Variants in FMN1 observed in about 807,000 individuals in gnomAD.
The protein encoded by FMN1 is formin-1.
In FMN1, 110 loss-of-function variants were observed where a neutral mutation model predicts 132.4. That is an observed-to-expected ratio of 0.83 (90% CI 0.71 to 0.97). The LOEUF (loss-of-function observed/expected upper bound fraction) is 0.97, where lower values mean the gene tolerates loss of function less well. FMN1 is among the 50% of genes least tolerant of loss of function. The pLI is 0.00. For missense variants in FMN1, 1,792 were observed against 1,705.3 expected (o/e 1.05, Z -0.90); for synonymous variants, 722 against 651.7 (o/e 1.11, Z -1.64).
chr15:33,098,786 G>C (rs1054080490), intron 4 of FMN1, among the ~76,000 whole-genome samples: 2 of 152,066 alleles, frequency 1.3e-5, no homozygotes, highest in African/African-American at 2.4e-5. Flanking sequence ...CTCTTACTAC[G>C]TGGCCCTTTT....
chr15:33,024,401 C>G (rs1456047776), intron 6 of FMN1, among the ~76,000 whole-genome samples: 1 of 152,000 alleles, frequency 6.6e-6, no homozygotes, highest in Non-Finnish European at 1.5e-5. Context: ...CGTCCGCCAC[C>G]ACGCCTGGCT....
chr15:33,119,198 C>G (rs1311900111), intron 4 of FMN1, among the ~76,000 whole-genome samples: 1 of 152,146 alleles, frequency 6.6e-6, no homozygotes, highest in East Asian at 1.9e-4. Context: ...AATGAACACC[C>G]TTCTCTCTCC....
intron 17 of FMN1, among the ~76,000 whole-genome samples, chr15:32,820,728 G>A (rs530370747): frequency 2.0e-4 from 31 of 152,286 alleles, no homozygotes; most frequent in African/African-American, 4.6e-4. Flanking sequence ...TTAATACTAC[G>A]AAGGGCTGAT....
intron 4 of FMN1, among the ~76,000 whole-genome samples, chr15:33,101,852 T>C (rs2039305613): frequency 6.6e-6 from 1 of 152,146 alleles, no homozygotes; most frequent in Non-Finnish European, 1.5e-5. Flanking sequence ...CATATTCTTC[T>C]GAATCCCCAT....
intron 4 of FMN1, among the ~76,000 whole-genome samples, chr15:33,113,665 A>G (rs1425099162): frequency 3.9e-5 from 6 of 152,046 alleles, no homozygotes; most frequent in African/African-American, 1.4e-4. Flanking sequence ...TAGTACCACC[A>G]CCCACCTTCT....
intron 4 of FMN1, chr15:33,150,509 A>T: frequency 4.1e-6 from 4 of 985,452 alleles, no homozygotes; most frequent in Non-Finnish European, 4.8e-6. Flanking sequence ...GAAGTTAAGA[A>T]ATTACAAACC....
chr15:33,005,662 C>T (rs147815107), intron 7 of FMN1, among the ~76,000 whole-genome samples: 148 of 152,242 alleles, frequency 9.7e-4, no homozygotes, highest in African/African-American at 3.2e-3. Flanking sequence ...ACTGTCAAAG[C>T]CCTCGCCAGG....
intron 6 of FMN1, among the ~76,000 whole-genome samples, chr15:33,029,963 C>G (rs895861704): frequency 2.6e-5 from 4 of 152,168 alleles, no homozygotes; most frequent in African/African-American, 9.7e-5. Flanking sequence ...CAAGACCATC[C>G]TGGCTAACAG....
At chr15:32,990,287 C>T (rs754897427) in intron 7 of FMN1, among the ~76,000 whole-genome samples, 1 of 151,960 alleles carries the variant, frequency 6.6e-6, no homozygotes, top group Non-Finnish European at 1.5e-5. Context: ...GGGAGGGCAG[C>T]AAAGAAGATA....
intron 20 of FMN1, among the ~76,000 whole-genome samples, chr15:32,775,010 G>A (rs951365715): frequency 6.6e-6 from 1 of 152,158 alleles, no homozygotes; most frequent in Non-Finnish European, 1.5e-5. Context: ...CACTAGGGAA[G>A]CACACATATC....
chr15:33,060,592 C>G (rs905705115), intron 6 of FMN1, among the ~76,000 whole-genome samples: 1 of 152,162 alleles, frequency 6.6e-6, no homozygotes, highest in African/African-American at 2.4e-5. Context: ...TGACAATTTG[C>G]TTACTTTCAA....
intron 13 of FMN1, among the ~76,000 whole-genome samples, chr15:32,901,154 C>CA (rs869122699): frequency 1.6e-4 from 23 of 147,240 alleles, no homozygotes; most frequent in South Asian, 6.5e-4. Flanking sequence ...GACTCCGTCT[C>CA]AAAAAAAAAG....
intron 19 of FMN1, among the ~76,000 whole-genome samples, chr15:32,779,313 A>C (rs2056588577): frequency 6.6e-6 from 1 of 152,208 alleles, no homozygotes; most frequent in South Asian, 2.1e-4. Context: ...ATTTTATGAT[A>C]TGTAAATTCT....
intron 4 of FMN1, among the ~76,000 whole-genome samples, chr15:33,122,384 A>G (rs1566935323): frequency 6.6e-6 from 1 of 152,214 alleles, no homozygotes; most frequent in Non-Finnish European, 1.5e-5. Flanking sequence ...TTTCTCCCAA[A>G]AAGTACATGC....
chr15:32,807,283 C>CA (rs1217394373), intron 17 of FMN1, among the ~76,000 whole-genome samples: 2 of 152,188 alleles, frequency 1.3e-5, no homozygotes, highest in Non-Finnish European at 2.9e-5. Context: ...ATAAGTGCAT[C>CA]ATTTTAGGCA....
intron 6 of FMN1, among the ~76,000 whole-genome samples, chr15:33,013,445 C>CA: frequency 6.6e-6 from 1 of 150,872 alleles, no homozygotes; most frequent in African/African-American, 2.4e-5. Flanking sequence ...ATAATATTAA[C>CA]AAAACTAAGA....
At chr15:32,794,608 T>G (rs969271698) in intron 19 of FMN1, among the ~76,000 whole-genome samples, 8 of 152,144 alleles carry the variant, frequency 5.3e-5, no homozygotes, top group Non-Finnish European at 8.8e-5. Flanking sequence ...GAGTAAAGAA[T>G]AGCCAATAAA....
At chr15:32,978,007 C>T (rs967190729) in intron 7 of FMN1, among the ~76,000 whole-genome samples, 1 of 151,858 alleles carries the variant, frequency 6.6e-6, no homozygotes, top group Non-Finnish European at 1.5e-5. Context: ...CAGATGCATG[C>T]CCCCACGCCC....
At chr15:32,955,144 A>G (rs1026437837) in intron 9 of FMN1, among the ~76,000 whole-genome samples, 1 of 152,208 alleles carries the variant, frequency 6.6e-6, no homozygotes, top group African/African-American at 2.4e-5. Context: ...GTTTTTGATC[A>G]AATTAGTTAA....
Sources: gnomAD v4.1 joint callset for allele counts (sites outside exome capture counted in the v4.1 genomes callset) on GRCh38, gnomAD v4.1.1 for gene constraint, MANE v1.5 for transcripts, NCBI Gene and HGNC (gene_info 2026-07-23, HGNC 2026-07-21) for gene names.